The following NALCN variants were observed in gnomAD, a reference collection of about 807,000 sequenced individuals.
NALCN encodes sodium leak channel, non-selective.
NALCN carries 111 observed loss-of-function variants against 225.3 expected under a neutral mutation model. The observed-to-expected ratio is 0.49, with a 90% CI of 0.42 to 0.58. The LOEUF is 0.58. Among genes scored for constraint, NALCN ranks in the 20% least tolerant of loss-of-function variants. The pLI, the probability that NALCN is intolerant of heterozygous loss-of-function variation, is 0.00. For synonymous variants in NALCN, 764 were observed against 769.0 expected, an observed-to-expected ratio of 0.99 and a Z score of 0.11; for missense variants, 1,378 against 2,202.4, an observed-to-expected ratio of 0.63 and a Z score of 7.49.
In NALCN at chr13:101,199,972, G is replaced by A. The variant is rs116834806; in HGVS notation, c.1627-7918C>T. On this transcript the variant is annotated intron_variant, in intron 13 of 43. Transcript: ENST00000251127. ...GCTGGTTTCTCTTCAATTTCCTAAT[G>A]TCTAAATGTTACAGAGCTCCAGTAC... Among the ~76,000 whole-genome samples the A allele has an allele frequency of 2.0e-3, 302 of 152,098 alleles. 1 individual carries two copies. The highest frequency in any genetic ancestry group is 7.1e-3 in the African/African-American group (295 of 41,504).
At chr13:101,064,238 C>T (rs2032187208) in intron 40 of NALCN, among the ~76,000 whole-genome samples, 2 of 152,110 alleles carry the variant, frequency 1.3e-5, no homozygotes, top group Admixed American at 6.6e-5. Flanking sequence ...TTGTTGCCTA[C>T]GTTCATCATG....
At chr13:101,091,012 T>C (rs889980844) in intron 28 of NALCN, among the ~76,000 whole-genome samples, 2 of 152,192 alleles carry the variant, frequency 1.3e-5, no homozygotes, top group Non-Finnish European at 2.9e-5. Context: ...CTCTTCCCAA[T>C]TATAAAAGTG....
intron 17 of NALCN, among the ~76,000 whole-genome samples, chr13:101,131,342 T>A (rs779745890): frequency 1.3e-5 from 2 of 152,196 alleles, no homozygotes; most frequent in African/African-American, 2.4e-5. Context: ...TATAATAACG[T>A]TTGCAGGGAA....
In NALCN at chr13:101,334,857, A is replaced by T. The variant is rs1295812011; in HGVS notation, c.799+10409T>A. On this transcript the variant is annotated intron_variant, in intron 7 of 43. Coordinates refer to ENST00000251127, the MANE Select transcript of NALCN (RefSeq NM_052867.4). ...AAAAACATGTTATAACATACCATGA[A>T]ACTTACAGAGAGGGGAGAAGAAATG... 2.0e-5 allele frequency among the ~76,000 whole-genome samples: 3 copies of T among 152,238 alleles called. No individual in the cohort carries two copies. The South Asian group carries it at 6.2e-4, about 32-fold the overall frequency.
chr13:101,284,900 T>C (rs1418067552), intron 9 of NALCN, among the ~76,000 whole-genome samples: 5 of 152,220 alleles, frequency 3.3e-5, no homozygotes, highest in African/African-American at 1.2e-4. Context: ...TAACATATTT[T>C]TCTTTCTAGT....
intron 10 of NALCN, among the ~76,000 whole-genome samples, chr13:101,275,242 G>T (rs1205672001): frequency 6.6e-6 from 1 of 152,108 alleles, no homozygotes; most frequent in Non-Finnish European, 1.5e-5. Context: ...AGCCATACTT[G>T]GGTAATATGC....
chr13:101,385,226 C>A (rs1302724418), intron 3 of NALCN, among the ~76,000 whole-genome samples: 2 of 152,124 alleles, frequency 1.3e-5, no homozygotes, highest in African/African-American at 2.4e-5. Flanking sequence ...CTTTGTGCCT[C>A]ATATTCCTTT....
intron 7 of NALCN, among the ~76,000 whole-genome samples, chr13:101,340,072 C>T (rs1187888902): frequency 6.6e-6 from 1 of 151,540 alleles, no homozygotes; most frequent in African/African-American, 2.4e-5. Context: ...TCGAGACCCT[C>T]CTGGCTAACA....
intron 7 of NALCN, among the ~76,000 whole-genome samples, chr13:101,321,061 G>GTTAAACGCTTCA (rs11271117): frequency 0.41 from 61,883 of 151,792 alleles, 12,944 homozygotes; most frequent in Middle Eastern, 0.47. Context: ...GCCCATAAAT[G>GTTAAACGCTTCA]TCTGTGAAAT....
rs144441133 is a variant in NALCN, at chr13:101,090,320, T to C, written c.3270-354A>G. On this transcript the variant is annotated intron_variant, in intron 28 of 43. Coordinates refer to ENST00000251127, the MANE Select transcript of NALCN (RefSeq NM_052867.4). ...ACCTTGTCCTGATTACCCTGAGGAC[T>C]GGACAGATGATTTTATCGATTTGCA... Among the ~76,000 whole-genome samples, 115 of 152,362 alleles carry C rather than the reference T, an allele frequency of 7.5e-4. 1 individual carries two copies. In the East Asian group the frequency reaches 0.02, roughly 27 times the overall value.
chr13:101,059,644 A>C (rs542803954), intron 42 of NALCN, among the ~76,000 whole-genome samples, 174 bp downstream of exon 42: 1 of 151,126 alleles, frequency 6.6e-6, no homozygotes, highest in African/African-American at 2.4e-5. Context: ...AAAGACATAG[A>C]CATAATCTGG....
At chr13:101,350,815 CA>C (rs1421403150) in intron 6 of NALCN, among the ~76,000 whole-genome samples, 1 of 152,158 alleles carries the variant, frequency 6.6e-6, no homozygotes, top group East Asian at 1.9e-4. Flanking sequence ...GACTTCTCTG[CA>C]GGGAGAGGTC....
rs67348959 is a variant in NALCN at position 101,106,721 on chromosome 13, GC to G, written c.2579+765del. Among the ~76,000 whole-genome samples, 1,361 of 152,258 alleles carry G rather than the reference GC, an allele frequency of 8.9e-3. 22 individuals carry two copies. The highest frequency in any genetic ancestry group is 0.038 in the East Asian group (195 of 5,176). ...CTGCTTTCACTTCCCTCTCTTGTCT[GC>G]TGCCATGTAAGATGTGCCTTTTGCC... On this transcript the variant is annotated intron_variant, in intron 22 of 43. Transcript: ENST00000251127.
intron 14 of NALCN, among the ~76,000 whole-genome samples, chr13:101,177,170 A>C (rs981311281): frequency 5.3e-5 from 8 of 152,064 alleles, no homozygotes; most frequent in Non-Finnish European, 1.2e-4. Context: ...AGCCCTAGTA[A>C]AACTTCAAGG....
intron 6 of NALCN, among the ~76,000 whole-genome samples, chr13:101,351,086 T>C (rs1457663995): frequency 6.6e-6 from 1 of 152,170 alleles, no homozygotes; most frequent in African/African-American, 2.4e-5. Flanking sequence ...TAATATATAG[T>C]AGATGTTTAA....
chr13:101,127,916 G>C (rs1290884919), intron 17 of NALCN, among the ~76,000 whole-genome samples: 1 of 152,074 alleles, frequency 6.6e-6, no homozygotes, highest in Non-Finnish European at 1.5e-5. Context: ...TAAACATAAA[G>C]AGCTCAGAGC....
intron 18 of NALCN, among the ~76,000 whole-genome samples, chr13:101,123,519 C>T (rs1235853637): frequency 2.0e-5 from 3 of 152,062 alleles, no homozygotes; most frequent in African/African-American, 2.4e-5. Flanking sequence ...TAAGTTGGGG[C>T]GCAGGTTGTC....
chr13:101,367,133 T>C (rs1196528502), intron 6 of NALCN, among the ~76,000 whole-genome samples: 1 of 151,800 alleles, frequency 6.6e-6, no homozygotes, highest in Non-Finnish European at 1.5e-5. Context: ...TTTTTTTTAT[T>C]TTTTTAATTT....
At chr13:101,108,185 T>C (rs1471309661) in intron 20 of NALCN, among the ~76,000 whole-genome samples, 1 of 150,816 alleles carries the variant, frequency 6.6e-6, no homozygotes, top group South Asian at 2.1e-4. Context: ...ACATTAAATA[T>C]ATAAATTTAC....
Sources: gnomAD v4.1 joint callset for allele counts (sites outside exome capture counted in the v4.1 genomes callset) on GRCh38, gnomAD v4.1.1 for gene constraint, MANE v1.5 for transcripts, NCBI Gene and HGNC (gene_info 2026-07-23, HGNC 2026-07-21) for gene names.